The following WDR70 variants were observed in gnomAD, a reference collection of about 807,000 sequenced individuals.
The protein encoded by WDR70 is WD repeat domain 70.
A neutral mutation model predicts 88.6 loss-of-function variants in WDR70; 53 were observed. The ratio of observed to expected loss-of-function variants is 0.60; its 90% CI spans 0.48 to 0.75. The LOEUF is 0.75. Ranked by LOEUF, WDR70 falls within the 30% of genes least tolerant of loss-of-function variation. The pLI, the probability that WDR70 is intolerant of heterozygous loss-of-function variation, is 0.00. For missense variants in WDR70, 610 were observed against 823.2 expected (o/e 0.74, Z 3.17); for synonymous variants, 280 against 270.0 (o/e 1.04, Z -0.36).
At chr5:37,525,689 G>C (rs1218914782) in intron 9 of WDR70, among the ~76,000 whole-genome samples, 3 of 152,148 alleles carry the variant, frequency 2.0e-5, no homozygotes, top group African/African-American at 7.2e-5. Context: ...AGTGAATCCA[G>C]GAGCTGGTTT....
intron 9 of WDR70, among the ~76,000 whole-genome samples, chr5:37,545,316 A>G (rs1388935819): frequency 1.3e-5 from 2 of 152,178 alleles, no homozygotes; most frequent in African/African-American, 2.4e-5. Flanking sequence ...AGAAGAAGGC[A>G]TAAGCAATTG....
chr5:37,684,601 T>C (rs1270138799), intron 10 of WDR70, among the ~76,000 whole-genome samples: 1 of 152,236 alleles, frequency 6.6e-6, no homozygotes, highest in Non-Finnish European at 1.5e-5. Flanking sequence ...GACTGCATGC[T>C]CTAACTCTGG....
chr5:37,727,073 A>G, intron 17 of WDR70, 28 bp downstream of exon 17: 1 of 1,591,830 alleles, frequency 6.3e-7, no homozygotes, highest in Non-Finnish European at 8.5e-7. Context: ...TAAAACAGGA[A>G]AATTGTTATG....
intron 9 of WDR70, among the ~76,000 whole-genome samples, chr5:37,591,375 C>A (rs1467031984): frequency 6.6e-6 from 1 of 152,174 alleles, no homozygotes; most frequent in Non-Finnish European, 1.5e-5. Context: ...GGTGACATCA[C>A]TGTAGAACTT....
rs562929446 is a variant in WDR70, at chr5:37,396,514, C to G, written c.436C>G (p.Leu146Val). ...EDILGPLPPP[L>V]NEEEEEAEEE... ...TATCCTCGGTCCTTTACCTCCACCT[C>G]TTAATGAAGAAGAAGAAGAAGCAGA... Residue 146 changes from leucine to valine, a missense_variant, in exon 5 of 18, where the codon CTT (leucine) becomes GTT (valine). By Grantham distance (32) the Leu-to-Val change is conservative (BLOSUM62 1). Transcript: ENST00000265107. 3.7e-6 allele frequency: 6 copies of G among 1,613,570 alleles called. No homozygotes were observed. In the African/African-American group the frequency reaches 4.0e-5, roughly 11 times the overall value.
chr5:37,626,659 C>T (rs1180443871), intron 10 of WDR70, among the ~76,000 whole-genome samples: 2 of 151,806 alleles, frequency 1.3e-5, no homozygotes, highest in Admixed American at 6.6e-5. Context: ...ATTCCCTCCT[C>T]TTTTATTTTC....
intron 4 of WDR70, among the ~76,000 whole-genome samples, chr5:37,394,018 A>G (rs1178866359): frequency 6.6e-6 from 1 of 152,080 alleles, no homozygotes; most frequent in African/African-American, 2.4e-5. Context: ...TAAAAAAGAT[A>G]CTTGAGGGCT....
chr5:37,387,480 T>C (rs1431859400), intron 3 of WDR70, among the ~76,000 whole-genome samples: 1 of 152,192 alleles, frequency 6.6e-6, no homozygotes, highest in Non-Finnish European at 1.5e-5. Flanking sequence ...TATTGAACTT[T>C]CTTGATTTAC....
chr5:37,394,533 G>GAGTT (rs1581246524), intron 4 of WDR70, among the ~76,000 whole-genome samples: 1 of 152,112 alleles, frequency 6.6e-6, no homozygotes, highest in East Asian at 1.9e-4. Context: ...TGAAGGGATA[G>GAGTT]ATAACAGACA....
chr5:37,431,158 A>G (rs531352626), intron 5 of WDR70, among the ~76,000 whole-genome samples: 18 of 152,282 alleles, frequency 1.2e-4, no homozygotes, highest in Non-Finnish European at 1.5e-4. Context: ...CTGGCCATAT[A>G]TATTTAAAGT....
intron 2 of WDR70, among the ~76,000 whole-genome samples, chr5:37,381,353 GTGT>G (rs369527199): frequency 9.5e-4 from 144 of 152,236 alleles, no homozygotes; most frequent in Middle Eastern, 3.4e-3. Context: ...CCCCACATCA[GTGT>G]TGTTGTTTCA....
chr5:37,654,344 G>A (rs1312960424), intron 10 of WDR70, among the ~76,000 whole-genome samples: 1 of 152,142 alleles, frequency 6.6e-6, no homozygotes, highest in Non-Finnish European at 1.5e-5. Context: ...TGCATTTGCT[G>A]AGGAGTGTTT....
intron 9 of WDR70, among the ~76,000 whole-genome samples, chr5:37,526,429 A>G (rs891128372): frequency 1.1e-4 from 16 of 152,246 alleles, no homozygotes; most frequent in East Asian, 1.9e-4. Context: ...ACAAAATTCA[A>G]TAGCCCTTCA....
intron 5 of WDR70, among the ~76,000 whole-genome samples, chr5:37,400,391 G>A (rs1749154907): frequency 6.6e-6 from 1 of 152,150 alleles, no homozygotes; most frequent in South Asian, 2.1e-4. Context: ...ATAATAAAAA[G>A]CAGGCTTATC....
intron 9 of WDR70, among the ~76,000 whole-genome samples, chr5:37,525,164 A>G (rs1180713519): frequency 1.3e-5 from 2 of 150,012 alleles, no homozygotes; most frequent in Non-Finnish European, 3.0e-5. Context: ...ACCCCAAATC[A>G]AAAGAATATA....
chr5:37,401,561 C>A (rs1342284990), intron 5 of WDR70, among the ~76,000 whole-genome samples: 2 of 152,058 alleles, frequency 1.3e-5, no homozygotes, highest in African/African-American at 4.8e-5. Context: ...AGGTAATCCA[C>A]CTACCTTGGC....
At position 37,747,132 on chromosome 5, in the gene WDR70, A is replaced by T. The variant is rs140336403; in HGVS notation, c.1878-5354A>T. On this transcript the variant is annotated intron_variant, in intron 17 of 17. Transcript: ENST00000265107. ...TGGTTCAACATACGTAAATCAATAA[A>T]CATAATCCATCACATAAACAGATCC... 2.6e-4 allele frequency among the ~76,000 whole-genome samples: 39 copies of T among 152,310 alleles called. 1 individual carries two copies. The East Asian group carries it at 5.4e-3, about 21-fold the overall frequency.
At chr5:37,587,778 C>CTTT (rs55980790) in intron 9 of WDR70, among the ~76,000 whole-genome samples, 1 of 122,758 alleles carries the variant, frequency 8.1e-6, no homozygotes, top group Non-Finnish European at 1.7e-5. Context: ...AAGCCCTATT[C>CTTT]TTTTTTTTTT....
At chr5:37,614,685 C>T (rs1744281570) in intron 10 of WDR70, among the ~76,000 whole-genome samples, 2 of 152,060 alleles carry the variant, frequency 1.3e-5, no homozygotes, top group Admixed American at 1.3e-4. Flanking sequence ...AGTATATGGT[C>T]CTCAAAGCCT....
Sources: gnomAD v4.1 joint callset for allele counts (sites outside exome capture counted in the v4.1 genomes callset) on GRCh38, gnomAD v4.1.1 for gene constraint, MANE v1.5 for transcripts, NCBI Gene and HGNC (gene_info 2026-07-23, HGNC 2026-07-21) for gene names.